PCDHA3: variants seen among roughly 807,000 people sequenced by gnomAD.
PCDHA3 encodes the protein protocadherin alpha 3, also known as protocadherin alpha-3.
A neutral mutation model predicts 62.2 loss-of-function variants in PCDHA3; 41 were observed. That is an observed-to-expected ratio of 0.66 (90% CI 0.51 to 0.86). The LOEUF (loss-of-function observed/expected upper bound fraction) is 0.86, where lower values mean the gene tolerates loss of function less well. Among genes scored for constraint, PCDHA3 ranks in the 40% least tolerant of loss-of-function variants. The pLI, the probability that PCDHA3 is intolerant of heterozygous loss-of-function variation, is 0.00. For synonymous variants in PCDHA3, 640 were observed against 555.4 expected, an observed-to-expected ratio of 1.15 and a Z score of -2.14; for missense variants, 1,304 against 1,241.2, an observed-to-expected ratio of 1.05 and a Z score of -0.76.
At chr5:140,844,694 T>C (rs2150373280) in intron 1 of PCDHA3, among the ~76,000 whole-genome samples, 1 of 149,782 alleles carries the variant, frequency 6.7e-6, no homozygotes, top group Admixed American at 6.7e-5. Context: ...ATACAGAATA[T>C]TTGGGATTAT....
intron 1 of PCDHA3, among the ~76,000 whole-genome samples, chr5:140,887,801 G>C (rs1377550372): frequency 1.3e-5 from 2 of 151,856 alleles, no homozygotes; most frequent in Admixed American, 1.3e-4. Context: ...CTTTATTTTT[G>C]TCCATTTCTT....
intron 1 of PCDHA3, among the ~76,000 whole-genome samples, chr5:140,964,896 G>A (rs868917865): frequency 6.6e-6 from 1 of 152,170 alleles, no homozygotes. Context: ...TAGGAGGCTG[G>A]GCGCTTCTCT....
intron 1 of PCDHA3, chr5:140,856,054 T>G: frequency 6.3e-7 from 1 of 1,586,304 alleles, no homozygotes; most frequent in Non-Finnish European, 8.6e-7. Flanking sequence ...ATAAGATGGT[T>G]TCCAGATGTA....
At chr5:140,861,184 A>G in intron 1 of PCDHA3, 1 of 160,152 alleles carries the variant, frequency 6.2e-6, no homozygotes, top group Non-Finnish European at 1.4e-5. Context: ...AAGTCTTTCT[A>G]GTCATGAAAT....
intron 1 of PCDHA3, among the ~76,000 whole-genome samples, chr5:140,925,742 AAG>A (rs1403200881): frequency 2.0e-5 from 3 of 151,862 alleles, no homozygotes; most frequent in South Asian, 4.2e-4. Context: ...TATTTACAGA[AAG>A]AAAATTTACA....
At chr5:140,899,704 T>C (rs2067500536) in intron 1 of PCDHA3, among the ~76,000 whole-genome samples, 1 of 152,242 alleles carries the variant, frequency 6.6e-6, no homozygotes, top group Non-Finnish European at 1.5e-5. Context: ...TAAAATGAGT[T>C]AGGGAGGATT....
intron 1 of PCDHA3, among the ~76,000 whole-genome samples, chr5:140,955,118 G>C (rs2095139401): frequency 6.6e-6 from 1 of 152,058 alleles, no homozygotes; most frequent in African/African-American, 2.4e-5. Flanking sequence ...TCTCTATTCT[G>C]TTCCACTGGT....
At chr5:140,875,538 A>C in intron 1 of PCDHA3, 17 of 1,614,126 alleles carry the variant, frequency 1.1e-5, no homozygotes, top group Non-Finnish European at 1.4e-5. Context: ...TGCTCCTTGC[A>C]GCCTGGGAGG....
chr5:140,834,739 T>G (rs1422918644), intron 1 of PCDHA3: 1 of 1,614,236 alleles, frequency 6.2e-7, no homozygotes, highest in Non-Finnish European at 8.5e-7. Flanking sequence ...GTTTTCCATG[T>G]GGACGTGGAG....
intron 1 of PCDHA3, among the ~76,000 whole-genome samples, chr5:140,898,043 T>A (rs1554187781): frequency 6.6e-6 from 1 of 152,148 alleles, no homozygotes; most frequent in African/African-American, 2.4e-5. Context: ...GTTGTTTGTT[T>A]TTTTCTTGTA....
At chr5:140,956,363 A>G (rs938643620) in intron 1 of PCDHA3, among the ~76,000 whole-genome samples, 2 of 152,026 alleles carry the variant, frequency 1.3e-5, no homozygotes, top group African/African-American at 4.8e-5. Context: ...ACATGAAGGG[A>G]TGTTGAATTT....
chr5:140,877,821 T>C (rs2057358206), intron 1 of PCDHA3: 1 of 1,603,226 alleles, frequency 6.2e-7, no homozygotes, highest in East Asian at 2.2e-5. Flanking sequence ...GAGAAGATTG[T>C]TTAAATCCTC....
chr5:140,961,965 C>T (rs1292120191), intron 1 of PCDHA3, among the ~76,000 whole-genome samples: 9 of 151,536 alleles, frequency 5.9e-5, no homozygotes, highest in Non-Finnish European at 8.8e-5. Context: ...CTCACTGCAA[C>T]CTCCGCCTCC....
intron 1 of PCDHA3, among the ~76,000 whole-genome samples, chr5:140,837,977 C>T (rs1377931639): frequency 6.6e-6 from 1 of 151,682 alleles, no homozygotes; most frequent in Non-Finnish European, 1.5e-5. Flanking sequence ...CCACACCCAG[C>T]CTGCCTTTCA....
intron 1 of PCDHA3, chr5:140,834,557 G>A (rs1484712416): frequency 1.9e-6 from 3 of 1,613,996 alleles, no homozygotes; most frequent in East Asian, 2.2e-5. Context: ...AGCTGGCGGA[G>A]CTGGTGCCGC....
At chr5:140,919,393 T>C (rs2079115816) in intron 1 of PCDHA3, among the ~76,000 whole-genome samples, 1 of 152,222 alleles carries the variant, frequency 6.6e-6, no homozygotes, top group South Asian at 2.1e-4. Flanking sequence ...GGATGTTGTT[T>C]TCCTAAAAAC....
rs375984847 is a variant in PCDHA3 at position 140,801,871 on chromosome 5, C to A, written c.674C>A (p.Thr225Lys). The A allele has an allele frequency of 5.6e-6, 9 of 1,613,966 alleles. No individual in the cohort carries two copies. Among genetic ancestry groups the A allele is most frequent in the African/African-American group, 2.7e-5 (2 of 74,896 alleles). ...IDGGKPELTG[T>K]TQLKITVLDV... The stretch of plus-strand genomic sequence containing the variant: ...GGTGGGAAACCAGAGCTCACTGGCA[C>A]GACTCAACTAAAGATCACTGTTTTA... Residue 225 changes from threonine to lysine, a missense_variant, in exon 1 of 4, where the codon ACG (threonine) becomes AAG (lysine). Transcript: ENST00000522353.
chr5:140,883,627 G>T (rs781902332), intron 1 of PCDHA3: 78 of 1,613,816 alleles, frequency 4.8e-5, no homozygotes, highest in Non-Finnish European at 6.2e-5. Flanking sequence ...ACAACGCGCC[G>T]GCGTTCGCGC....
intron 1 of PCDHA3, among the ~76,000 whole-genome samples, chr5:140,826,177 T>A (rs1310139687): frequency 6.6e-6 from 1 of 152,232 alleles, no homozygotes; most frequent in African/African-American, 2.4e-5. Context: ...TGTCATTCTA[T>A]AAATCTAAAG....
Sources: allele counts gnomAD v4.1 joint callset (sites outside exome capture counted in the v4.1 genomes callset), GRCh38; gene constraint gnomAD v4.1.1; transcripts MANE v1.5; gene names NCBI Gene and HGNC (gene_info 2026-07-23, HGNC 2026-07-21).